The following MYSM1 variants were observed in gnomAD, a reference collection of about 807,000 sequenced individuals.
MYSM1 encodes the protein deubiquitinase MYSM1.
MYSM1 carries 51 observed loss-of-function variants against 116.0 expected under a neutral mutation model. The ratio of observed to expected loss-of-function variants is 0.44; its 90% confidence interval spans 0.35 to 0.56. The LOEUF (loss-of-function observed/expected upper bound fraction) is 0.56, where lower values mean the gene tolerates loss of function less well. MYSM1 is among the 20% of genes least tolerant of loss of function. The pLI, the probability that MYSM1 is intolerant of heterozygous loss-of-function variation, is 0.00. For synonymous variants in MYSM1, 313 were observed against 315.2 expected (o/e 0.99, Z 0.07); for missense variants, 900 against 974.9 (o/e 0.92, Z 1.02).
intron 16 of MYSM1, among the ~76,000 whole-genome samples, chr1:58,665,851 G>A (rs232792): frequency 0.27 from 40,565 of 151,996 alleles, 6,192 homozygotes; most frequent in African/African-American, 0.41. Flanking sequence ...GCCTGATCAG[G>A]CTTGAGACCA....
chr1:58,686,165 A>G (rs1407526448), intron 6 of MYSM1, among the ~76,000 whole-genome samples: 7 of 151,744 alleles, frequency 4.6e-5, no homozygotes, highest in Admixed American at 4.6e-4. Flanking sequence ...GACACCTCCC[A>G]CATCCAGGTG....
intron 12 of MYSM1, 67 bp from the exon 13 acceptor site, chr1:58,669,105 T>A (rs902280842): frequency 4.1e-6 from 5 of 1,215,480 alleles, no homozygotes; most frequent in Non-Finnish European, 5.8e-6. Context: ...TATTTGTAAA[T>A]CTGAAAGTGT....
At chr1:58,695,540 A>C (rs568131467) in intron 1 of MYSM1, among the ~76,000 whole-genome samples, 3 of 152,198 alleles carry the variant, frequency 2.0e-5, no homozygotes, top group Non-Finnish European at 4.4e-5. Context: ...CCAACAATGC[A>C]GTTTCAGCTG....
intron 12 of MYSM1, among the ~76,000 whole-genome samples, chr1:58,671,642 T>A (rs1283479763): frequency 1.3e-5 from 2 of 152,138 alleles, no homozygotes; most frequent in African/African-American, 4.8e-5. Context: ...ACAGGGCCCC[T>A]TTACAACATA....
At chr1:58,679,926 C>G (rs1644712904) in intron 8 of MYSM1, among the ~76,000 whole-genome samples, 1 of 150,980 alleles carries the variant, frequency 6.6e-6, no homozygotes, top group African/African-American at 2.4e-5. Flanking sequence ...TGCATGGGAG[C>G]TGAGGCAGAA....
rs529961791 is a variant in MYSM1 at position 58,657,466 on chromosome 1, T to A, written c.*2531A>T. ...CTTCTACAAGGCCCTGGCTCCATTA[T>A]CCTCGGTAGTAGCCCAAGGCTGGTA... On this transcript the variant is annotated 3_prime_UTR_variant, in exon 20 of 20. Transcript: ENST00000472487. The A allele has an allele frequency of 1.1e-4, 17 of 152,300 alleles. No homozygotes were observed. Among genetic ancestry groups the A allele is most frequent in the African/African-American group, 3.8e-4 (16 of 41,560 alleles). 9.4% of individuals were successfully genotyped at this position (152,300 alleles called of 1,614,324 possible). A position where few individuals can be genotyped will look rare whatever the true frequency, so the allele number is the denominator to read the frequency against.
chr1:58,661,291 T>C (rs1179096889), intron 18 of MYSM1, 64 bp from the exon 19 acceptor site: 1 of 1,414,016 alleles, frequency 7.1e-7, no homozygotes, highest in Non-Finnish European at 1.0e-6. Flanking sequence ...AGTTTCATAA[T>C]AAACTATCAC....
chr1:58,676,750 G>T, intron 9 of MYSM1, 176 bp downstream of exon 9: 1 of 496,494 alleles, frequency 2.0e-6, no homozygotes, highest in Admixed American at 4.8e-5. Flanking sequence ...TAGGTCAAAT[G>T]AAAACACAGT....
rs1644362075 is a variant in MYSM1 at position 58,659,465 on chromosome 1, A to C, written c.*532T>G. The C allele has an allele frequency of 6.6e-6, 1 of 152,140 alleles. No homozygotes were observed. Among genetic ancestry groups the C allele is most frequent in the Non-Finnish European group, 1.5e-5 (1 of 68,030 alleles). The allele number at this position is 152,140 out of a possible 1,614,324, so 9.4% of individuals were successfully genotyped here. A position where few individuals can be genotyped will look rare whatever the true frequency, so the allele number is the denominator to read the frequency against. ...CTCCTTTGGGTTTTTCCTGTTTTTA[A>C]GATTTTCTTGTCATGCCTCTCCTGG... On this transcript the variant is annotated 3_prime_UTR_variant, in exon 20 of 20. Coordinates refer to ENST00000472487, the MANE Select transcript of MYSM1 (RefSeq NM_001085487.3).
chr1:58,692,821 C>T (rs1209711540), intron 3 of MYSM1, 40 bp downstream of exon 3: 3 of 1,526,366 alleles, frequency 2.0e-6, no homozygotes, highest in African/African-American at 1.4e-5. Context: ...ATTTTTTTCA[C>T]CCTGAAACCT....
chr1:58,660,769 T>C (rs1644378981), intron 19 of MYSM1, among the ~76,000 whole-genome samples: 1 of 152,122 alleles, frequency 6.6e-6, no homozygotes, highest in Admixed American at 6.6e-5. Context: ...AAAACTCTTA[T>C]TTCCTATTAG....
At chr1:58,675,898 C>T (rs1041341511) in intron 9 of MYSM1, among the ~76,000 whole-genome samples, 2 of 152,108 alleles carry the variant, frequency 1.3e-5, no homozygotes, top group African/African-American at 4.8e-5. Context: ...TCTCAATATT[C>T]AAGGCTTTGG....
At chr1:58,668,943 C>A in intron 13 of MYSM1, 41 bp downstream of exon 13, 3 of 1,463,344 alleles carry the variant, frequency 2.1e-6, no homozygotes, top group South Asian at 1.2e-5. Flanking sequence ...GACGGGGAAG[C>A]GGGGATTGTC....
In MYSM1 at chr1:58,661,387, C is replaced by T. The variant is rs766573458; in HGVS notation, c.2270+19G>A. The T allele has an allele frequency of 6.8e-7, 1 of 1,468,882 alleles. No homozygotes were observed. Among genetic ancestry groups the T allele is most frequent in the Non-Finnish European group, 9.5e-7 (1 of 1,050,800 alleles). The allele number at this position is 1,468,882 out of a possible 1,614,324, so 91.0% of individuals were successfully genotyped here. On this transcript the variant is annotated intron_variant, in intron 18 of 19. Transcript: ENST00000472487. ...AGCAACACTGCAGATGTGCAACCAT[C>T]TCAAACCACAGTACATACCTATGGG...
intron 6 of MYSM1, among the ~76,000 whole-genome samples, chr1:58,688,574 T>C (rs1644861332): frequency 6.6e-6 from 1 of 151,940 alleles, no homozygotes; most frequent in Non-Finnish European, 1.5e-5. Flanking sequence ...AAAAAAAATG[T>C]TTCTGGTCTT....
At chr1:58,677,406 T>G (rs1390164566) in intron 8 of MYSM1, among the ~76,000 whole-genome samples, 1 of 152,116 alleles carries the variant, frequency 6.6e-6, no homozygotes, top group African/African-American at 2.4e-5. Flanking sequence ...ATAGAAAAGA[T>G]TTAGTATTAG....
At chr1:58,676,527 G>T (rs553540) in intron 9 of MYSM1, among the ~76,000 whole-genome samples, 8,788 of 151,934 alleles carry the variant, frequency 0.058, 798 homozygotes, top group African/African-American at 0.2. Context: ...TTTATCACAT[G>T]TAAGTGTAGA....
rs1415516432 is a variant in MYSM1, at chr1:58,659,641, A to G, written c.*356T>C. ...TTTAAATGAAATAGGAGATACCACAATGGAACATAAATGACTAGTTCAGGG... is the reference window on the plus strand; with the variant it reads ...TTTAAATGAAATAGGAGATACCACAGTGGAACATAAATGACTAGTTCAGGG... On this transcript the variant is annotated 3_prime_UTR_variant, in exon 20 of 20. Transcript: ENST00000472487. 6.2e-6 allele frequency: 1 copy of G among 161,060 alleles called. No individual in the cohort carries two copies. Among genetic ancestry groups the G allele is most frequent in the East Asian group, 1.8e-4 (1 of 5,536 alleles). The allele number at this position is 161,060 out of a possible 1,614,324, so 10.0% of individuals were successfully genotyped here. A position where few individuals can be genotyped will look rare whatever the true frequency, so the allele number is the denominator to read the frequency against.
At chr1:58,687,943 T>C (rs1227169429) in intron 6 of MYSM1, among the ~76,000 whole-genome samples, 1 of 152,174 alleles carries the variant, frequency 6.6e-6, no homozygotes, top group Non-Finnish European at 1.5e-5. Context: ...TCTGCGTGTG[T>C]GTGTGTGTCT....
Sources: allele counts gnomAD v4.1 joint callset (sites outside exome capture counted in the v4.1 genomes callset), GRCh38; gene constraint gnomAD v4.1.1; transcripts MANE v1.5; gene names NCBI Gene and HGNC (gene_info 2026-07-23, HGNC 2026-07-21).